HIP1: variants seen among roughly 807,000 people sequenced by gnomAD.
HIP1 encodes huntingtin interacting protein 1.
HIP1 carries 65 observed loss-of-function variants against 147.6 expected under a neutral mutation model. That is an observed-to-expected ratio of 0.44 (90% confidence interval 0.36 to 0.54). The LOEUF is 0.54. HIP1 is among the 20% of genes least tolerant of loss of function. The pLI is 0.00. For missense variants in HIP1, 1,061 were observed against 1,299.6 expected (o/e 0.82, Z 2.82); for synonymous variants, 479 against 504.0 (o/e 0.95, Z 0.67).
At chr7:75,548,808 G>A (rs781789077) in intron 23 of HIP1, 83 bp downstream of exon 23, 10 of 1,070,754 alleles carry the variant, frequency 9.3e-6, no homozygotes, top group African/African-American at 4.7e-5. Context: ...CTTAATGAAC[G>A]ACTGTGACAT....
chr7:75,684,096 G>T (rs1246093531), intron 1 of HIP1, among the ~76,000 whole-genome samples: 6 of 151,528 alleles, frequency 4.0e-5, no homozygotes, highest in African/African-American at 1.2e-4. Context: ...CTGAGGCCAG[G>T]AGTTCAAGAC....
intron 1 of HIP1, among the ~76,000 whole-genome samples, chr7:75,738,450 C>A (rs782511733): frequency 2.0e-5 from 3 of 152,136 alleles, no homozygotes; most frequent in Non-Finnish European, 2.9e-5. Flanking sequence ...GGCTCCCGTG[C>A]GCTTCCCTTG....
rs541024499 is a variant in HIP1, at chr7:75,697,824, CAA to C, written c.120+40975_120+40976del. ...GAGACTCCGTCTCAAAAACAAAAAA[CAA>C]AAAAGTTTCAAAAAGAATCCTATTG... On this transcript the variant is annotated intron_variant, in intron 1 of 30. Coordinates refer to ENST00000336926, the MANE Select transcript of HIP1 (RefSeq NM_005338.7). 2.4e-4 allele frequency among the ~76,000 whole-genome samples: 36 copies of C among 152,184 alleles called. No individual in the cohort carries two copies. The South Asian group carries it at 3.3e-3, about 14-fold the overall frequency.
At chr7:75,689,949 A>T (rs1554517960) in intron 1 of HIP1, among the ~76,000 whole-genome samples, 1 of 152,182 alleles carries the variant, frequency 6.6e-6, no homozygotes, top group African/African-American at 2.4e-5. Flanking sequence ...CCCGGTCTGC[A>T]GCCCTGATGG....
At chr7:75,682,935 G>C (rs558260440) in intron 1 of HIP1, among the ~76,000 whole-genome samples, 18 of 152,202 alleles carry the variant, frequency 1.2e-4, no homozygotes, top group African/African-American at 4.3e-4. Context: ...GACTTTGGGA[G>C]GGAGGCCAGA....
intron 17 of HIP1, 117 bp downstream of exon 17, chr7:75,556,593 G>A (rs997844925): frequency 2.1e-5 from 14 of 681,928 alleles, no homozygotes; most frequent in Admixed American, 9.2e-5. Context: ...GCTAAGTGGG[G>A]AGGATCACCT....
chr7:75,549,819 A>G (rs979528991), intron 22 of HIP1, among the ~76,000 whole-genome samples: 1 of 142,014 alleles, frequency 7.0e-6, no homozygotes, highest in Non-Finnish European at 1.5e-5. Flanking sequence ...ACAGAGGTGC[A>G]CCACCAAGCC....
At chr7:75,561,449 T>A in intron 12 of HIP1, 48 bp from the exon 13 acceptor site, 1 of 1,184,116 alleles carries the variant, frequency 8.4e-7, no homozygotes, top group Non-Finnish European at 1.3e-6. Flanking sequence ...CTTCTATCCC[T>A]CTGTTTTTAA....
intron 1 of HIP1, among the ~76,000 whole-genome samples, chr7:75,618,422 A>AT (rs1797738799): frequency 6.6e-6 from 1 of 152,120 alleles, no homozygotes; most frequent in African/African-American, 2.4e-5. Flanking sequence ...AAGTGCTGGG[A>AT]TTACAGGTGT....
chr7:75,679,318 C>T (rs1799988677), intron 1 of HIP1, among the ~76,000 whole-genome samples: 1 of 152,188 alleles, frequency 6.6e-6, no homozygotes, highest in Non-Finnish European at 1.5e-5. Flanking sequence ...ATCCTTCCAC[C>T]TCAGCCTCCT....
intron 4 of HIP1, 120 bp downstream of exon 4, chr7:75,591,936 T>A: frequency 1.2e-6 from 1 of 838,768 alleles, no homozygotes; most frequent in Non-Finnish European, 2.1e-6. Context: ...CTGGCACCCA[T>A]GGGAGAAATC....
At position 75,571,634 on chromosome 7, in the gene HIP1, G is replaced by T. The variant is rs1011760031; in HGVS notation, c.745+2127C>A. Among the ~76,000 whole-genome samples the T allele has an allele frequency of 3.3e-5, 5 of 152,102 alleles. No homozygotes were observed. In the East Asian group the frequency reaches 9.6e-4, roughly 29 times the overall value. ...GTCTCGTTCTGTTGCCCAGGCTGGA[G>T]TGCAGTGGCACAAACACAGCTCACT... is the stretch of plus-strand genomic sequence containing the variant. On this transcript the variant is annotated intron_variant, in intron 8 of 30. Coordinates refer to ENST00000336926, the MANE Select transcript of HIP1 (RefSeq NM_005338.7).
rs1795293878 is a variant in HIP1, at chr7:75,563,269, G to A, written c.804-6C>T. ...GGTAGAACAGATCTTTCAACCTAGG[G>A]GTGGAGAAGGACCTGAGGGGTGCTG... is the stretch of plus-strand genomic sequence containing the variant. On this transcript the variant is annotated splice_polypyrimidine_tract_variant and splice_region_variant and intron_variant, in intron 9 of 30. Coordinates refer to ENST00000336926, the MANE Select transcript of HIP1 (RefSeq NM_005338.7). The A allele has an allele frequency of 6.2e-7, 1 of 1,614,046 alleles. No individual in the cohort carries two copies. The highest frequency in any genetic ancestry group is 8.5e-7 in the Non-Finnish European group (1 of 1,179,914).
At chr7:75,648,022 C>T (rs1481242018) in intron 1 of HIP1, among the ~76,000 whole-genome samples, 3 of 152,222 alleles carry the variant, frequency 2.0e-5, no homozygotes, top group African/African-American at 7.2e-5. Context: ...GTGTAGGCCA[C>T]AGAAAGACAG....
In HIP1 at chr7:75,539,332, A is replaced by G. The variant is rs782587023; in HGVS notation, c.3052T>C (p.Trp1018Arg). 3 of 1,613,592 alleles carry G rather than the reference A, an allele frequency of 1.9e-6. No homozygotes were observed. The South Asian group carries it at 3.3e-5, about 18-fold the overall frequency. ...HYELAGVAEG[W>R]EEGTEASPPT... ...CTTGGAGTCAGCTTACCTTCTTCCC[A>G]GCCCTCAGCAACACCAGCAAGCTCG... Residue 1018 changes from tryptophan to arginine, a missense_variant, in exon 30 of 31, where the codon TGG (tryptophan) becomes CGG (arginine). Physicochemically the swap from Trp to Arg is moderately radical, Grantham distance 101. Coordinates refer to ENST00000336926, the MANE Select transcript of HIP1 (RefSeq NM_005338.7).
rs587698788 is a variant in HIP1 at position 75,586,069 on chromosome 7, C to T, written c.465+684G>A. 3.9e-5 allele frequency among the ~76,000 whole-genome samples: 6 copies of T among 152,182 alleles called. 1 individual carries two copies. The highest frequency in any genetic ancestry group is 1.4e-4 in the African/African-American group (6 of 41,486). On this transcript the variant is annotated intron_variant, in intron 5 of 30. Transcript: ENST00000336926. ...TCTTAAGCGATCCTCCAGCCTCGAC[C>T]TCCCATAATGCTCAGATTACAGGCA...
At position 75,562,286 on chromosome 7, in the gene HIP1, GTTTA is replaced by G; in HGVS notation, c.1021-120_1021-117del. On this transcript the variant is annotated intron_variant, in intron 11 of 30. Coordinates refer to ENST00000336926, the MANE Select transcript of HIP1 (RefSeq NM_005338.7). ...TTCTCGAATTAAACGGTTCAGACCT[GTTTA>G]ATTTTTTTAATTTTTTTGAGACAGG... 3 of 693,550 alleles carry G rather than the reference GTTTA, an allele frequency of 4.3e-6. No homozygotes were observed. In the South Asian group the frequency reaches 5.2e-5, roughly 12 times the overall value. 43.0% of individuals were successfully genotyped at this position (693,550 alleles called of 1,614,324 possible).
rs1306673203 is a variant in HIP1, at chr7:75,641,300, G to A, written c.121-42053C>T. 2.6e-5 allele frequency among the ~76,000 whole-genome samples: 4 copies of A among 151,914 alleles called. No homozygotes were observed. In the East Asian group the frequency reaches 7.7e-4, roughly 29 times the overall value. Reference sequence around the variant, plus strand: ...CAGCCTGGGTGGCAGAGTGAGACTAGGGTCTTGCTATGTTGTACAGGCTGG... The same window carrying A: ...CAGCCTGGGTGGCAGAGTGAGACTAAGGTCTTGCTATGTTGTACAGGCTGG... On this transcript the variant is annotated intron_variant, in intron 1 of 30. Coordinates refer to ENST00000336926, the MANE Select transcript of HIP1 (RefSeq NM_005338.7).
chr7:75,689,203 T>A (rs762514282), intron 1 of HIP1, among the ~76,000 whole-genome samples: 27 of 151,582 alleles, frequency 1.8e-4, no homozygotes, highest in East Asian at 7.8e-4. Flanking sequence ...ATTAAAAAAA[T>A]TTAAAATATA....
Sources: gnomAD v4.1 joint callset for allele counts (sites outside exome capture counted in the v4.1 genomes callset) on GRCh38, gnomAD v4.1.1 for gene constraint, MANE v1.5 for transcripts, NCBI Gene and HGNC (gene_info 2026-07-23, HGNC 2026-07-21) for gene names.